TDP1: variants seen among roughly 807,000 people sequenced by gnomAD.
TDP1 encodes the protein tyrosyl-DNA phosphodiesterase 1, also known as tyr-DNA phosphodiesterase 1.
TDP1 carries 64 observed loss-of-function variants against 81.5 expected under a neutral mutation model. That is an observed-to-expected ratio of 0.79 (90% CI 0.64 to 0.97). TDP1 has a LOEUF of 0.97. Ranked by LOEUF, TDP1 falls within the 50% of genes least tolerant of loss-of-function variation. TDP1 has a pLI of 0.00. For missense variants in TDP1, 723 were observed against 743.8 expected, an observed-to-expected ratio of 0.97 and a Z score of 0.33; for synonymous variants, 256 against 264.3, an observed-to-expected ratio of 0.97 and a Z score of 0.30.
At chr14:90,001,338 T>C (rs1443083590) in intron 14 of TDP1, among the ~76,000 whole-genome samples, 4 of 152,238 alleles carry the variant, frequency 2.6e-5, no homozygotes, top group African/African-American at 7.2e-5. Context: ...ACATTTTTCA[T>C]AGATCCTGGG....
At chr14:90,008,056 G>A (rs1019953084) in intron 14 of TDP1, among the ~76,000 whole-genome samples, 5 of 152,148 alleles carry the variant, frequency 3.3e-5, no homozygotes, top group Admixed American at 6.5e-5. Flanking sequence ...GTTTAGCTAC[G>A]ATGGATAAAT....
intron 15 of TDP1, among the ~76,000 whole-genome samples, chr14:90,024,389 T>G (rs1025543041): frequency 1.4e-4 from 22 of 152,222 alleles, no homozygotes; most frequent in South Asian, 2.1e-4. Flanking sequence ...AACCTGGGGC[T>G]CAGCACATAT....
chr14:89,963,243 G>T lies in TDP1; in HGVS notation c.129G>T (p.Glu43Asp), dbSNP rs199640249. 20 of 1,614,132 alleles carry T rather than the reference G, an allele frequency of 1.2e-5. No individual in the cohort carries two copies. The Admixed American group carries it at 3.3e-4, about 27-fold the overall frequency. Residue 43 changes from glutamate (E) to aspartate (D), a missense_variant, in exon 3 of 17, where the codon GAG (glutamate) becomes GAT (aspartate). Transcript: ENST00000335725. ...GTGCCAGGCAAGGAGCAGCAAATGA[G>T]CCCAGGTACACCTGTTCCGAGGCCC... ...LLCARQGAANEPRYTCSEAQK... is the reference protein window; with the variant it reads ...LLCARQGAANDPRYTCSEAQK...
chr14:89,984,429 C>T (rs1895332477), intron 8 of TDP1, 87 bp from the exon 9 acceptor site: 1 of 1,607,378 alleles, frequency 6.2e-7, no homozygotes, highest in African/African-American at 1.3e-5. Flanking sequence ...GAATTCACCT[C>T]TTTCTTAGGA....
intron 2 of TDP1, chr14:89,957,330 T>C (rs1461305990): frequency 6.6e-6 from 1 of 152,252 alleles, no homozygotes; most frequent in Non-Finnish European, 1.5e-5. Flanking sequence ...TCCCAGTTTT[T>C]GGTACATAAT....
intron 6 of TDP1, 200 bp from the exon 7 acceptor site, chr14:89,975,581 G>GTGTGTTTTTTT (rs1289662801): frequency 3.9e-6 from 1 of 256,994 alleles, no homozygotes; most frequent in Non-Finnish European, 5.3e-6. Flanking sequence ...CAAAATTTGT[G>GTGTGTTTTTTT]TTTTTTTTTT....
chr14:90,026,389 C>A (rs1471425358), intron 15 of TDP1, among the ~76,000 whole-genome samples: 1 of 152,252 alleles, frequency 6.6e-6, no homozygotes, highest in Non-Finnish European at 1.5e-5. Context: ...AATAAAGCCA[C>A]GGCCCTTGCA....
Position 89,967,363 on chromosome 14 carries a change from C to G in TDP1, c.604-4C>G, listed in dbSNP as rs748161679. On this transcript the variant is annotated splice_polypyrimidine_tract_variant and splice_region_variant and intron_variant, in intron 4 of 16. Coordinates refer to ENST00000335725, the MANE Select transcript of TDP1 (RefSeq NM_018319.4). ...CTTAGTTACTCTTCTTTTCTCCCAT[C>G]TAGTTTAACTACTGCTTTGACGTGG... 1.2e-6 allele frequency: 2 copies of G among 1,613,732 alleles called. No individual in the cohort carries two copies. Among genetic ancestry groups the G allele is most frequent in the Admixed American group, 3.3e-5 (2 of 60,002 alleles).
intron 14 of TDP1, among the ~76,000 whole-genome samples, chr14:90,004,347 TC>T (rs1370621522): frequency 1.3e-5 from 2 of 152,164 alleles, no homozygotes; most frequent in African/African-American, 4.8e-5. Flanking sequence ...ACCTGGAATT[TC>T]CCACCAGGGA....
chr14:89,970,814 A>G, intron 5 of TDP1: 1 of 890,658 alleles, frequency 1.1e-6, no homozygotes, highest in Non-Finnish European at 1.3e-6. Flanking sequence ...AGCTTCATGA[A>G]TGATGTATTT....
intron 8 of TDP1, among the ~76,000 whole-genome samples, chr14:89,982,655 A>T (rs1232113560): frequency 2.1e-5 from 3 of 141,026 alleles, no homozygotes; most frequent in African/African-American, 3.2e-5. Context: ...TCTTTTATTT[A>T]AAAAAAGTAT....
chr14:90,019,662 A>G (rs1018578613), intron 15 of TDP1, among the ~76,000 whole-genome samples: 7 of 152,302 alleles, frequency 4.6e-5, no homozygotes, highest in African/African-American at 1.4e-4. Flanking sequence ...GTGTGCTTCC[A>G]GCGAAATTAA....
intron 1 of TDP1, 54 bp from the exon 2 acceptor site, chr14:89,956,524 A>C (rs1337626512): frequency 6.6e-6 from 1 of 152,448 alleles, no homozygotes; most frequent in East Asian, 1.9e-4. Context: ...TCCGTCCCCA[A>C]CGCCTTCAGC....
chr14:90,018,201 C>T (rs114653062), intron 14 of TDP1, among the ~76,000 whole-genome samples: 23 of 152,154 alleles, frequency 1.5e-4, no homozygotes, highest in African/African-American at 5.5e-4. Flanking sequence ...GAAATAGTCA[C>T]AGTCATCCAC....
chr14:90,022,496 A>G (rs970528256), intron 15 of TDP1, among the ~76,000 whole-genome samples: 3 of 152,202 alleles, frequency 2.0e-5, no homozygotes, highest in Non-Finnish European at 2.9e-5. Context: ...TCTGCCTTCC[A>G]TGACTCAGGA....
intron 14 of TDP1, among the ~76,000 whole-genome samples, chr14:90,001,016 C>A (rs1897143749): frequency 6.6e-6 from 1 of 152,210 alleles, no homozygotes; most frequent in African/African-American, 2.4e-5. Context: ...ATTTCCTAAT[C>A]TTAAAAAATC....
At chr14:90,006,081 C>T (rs144011860) in intron 14 of TDP1, among the ~76,000 whole-genome samples, 100 of 152,092 alleles carry the variant, frequency 6.6e-4, no homozygotes, top group African/African-American at 2.2e-3. Context: ...GACTGCTTGT[C>T]GGGGGAGGGT....
intron 15 of TDP1, among the ~76,000 whole-genome samples, chr14:90,025,005 T>C (rs940567406): frequency 6.6e-6 from 1 of 152,198 alleles, no homozygotes; most frequent in Non-Finnish European, 1.5e-5. Flanking sequence ...GGTAGAACTC[T>C]GTGTCCGCAC....
chr14:89,974,058 T>C (rs2140026336), intron 6 of TDP1, among the ~76,000 whole-genome samples: 1 of 152,284 alleles, frequency 6.6e-6, no homozygotes, highest in East Asian at 1.9e-4. Flanking sequence ...ATAGTCACAT[T>C]GGAAGTTGGG....
Sources: gnomAD v4.1 joint callset for allele counts (sites outside exome capture counted in the v4.1 genomes callset) on GRCh38, gnomAD v4.1.1 for gene constraint, MANE v1.5 for transcripts, NCBI Gene and HGNC (gene_info 2026-07-23, HGNC 2026-07-21) for gene names.